ABCB5: variants seen among roughly 807,000 people sequenced by gnomAD.
ABCB5 encodes the protein ATP binding cassette subfamily B member 5, also known as ATP-binding cassette sub-family B member 5.
In ABCB5, 155 loss-of-function variants were observed where a neutral mutation model predicts 144.2. The observed-to-expected ratio is 1.08, with a 90% CI of 0.94 to 1.23. The LOEUF (loss-of-function observed/expected upper bound fraction) is 1.23, where lower values mean the gene tolerates loss of function less well. Ranked by LOEUF, ABCB5 falls within the 50% of genes most tolerant of loss-of-function variation. The pLI is 0.00. For missense variants in ABCB5, 1,830 were observed against 1,520.8 expected (o/e 1.20, Z -3.38); for synonymous variants, 610 against 528.6 (o/e 1.15, Z -2.11).
At chr7:20,647,250 T>G in intron 9 of ABCB5, 2 of 1,116,928 alleles carry the variant, frequency 1.8e-6, no homozygotes, top group South Asian at 6.7e-5. Context: ...TGGTCACACA[T>G]CCCAGCATGT....
chr7:20,655,944 G>A (rs1025053002), intron 13 of ABCB5, among the ~76,000 whole-genome samples: 2 of 152,202 alleles, frequency 1.3e-5, no homozygotes, highest in African/African-American at 4.8e-5. Context: ...AATGATGGTT[G>A]TATAGATCAG....
At chr7:20,728,171 A>T in intron 22 of ABCB5, 144 bp from the exon 23 acceptor site, 1 of 880,886 alleles carries the variant, frequency 1.1e-6, no homozygotes, top group South Asian at 2.1e-5. Flanking sequence ...AAAAAAAAAA[A>T]TCACTTTCTC....
chr7:20,649,918 T>C (rs963738263), intron 11 of ABCB5, 104 bp from the exon 12 acceptor site: 29 of 1,303,630 alleles, frequency 2.2e-5, no homozygotes, highest in Non-Finnish European at 3.0e-5. Flanking sequence ...AATTTGTTTT[T>C]AGAAGAATTT....
At chr7:20,710,140 C>A (rs1020013294) in intron 20 of ABCB5, among the ~76,000 whole-genome samples, 2 of 147,884 alleles carry the variant, frequency 1.4e-5, no homozygotes, top group African/African-American at 2.5e-5. Flanking sequence ...TTTGGGAGAC[C>A]GAGGCGGGTG....
At chr7:20,625,927 A>G (rs966308793) in intron 2 of ABCB5, among the ~76,000 whole-genome samples, 3 of 152,262 alleles carry the variant, frequency 2.0e-5, no homozygotes, top group African/African-American at 7.2e-5. Flanking sequence ...GCAAAAACAT[A>G]TAATGGAATA....
At chr7:20,625,325 T>G (rs777640260) in intron 2 of ABCB5, among the ~76,000 whole-genome samples, 1 of 152,190 alleles carries the variant, frequency 6.6e-6, no homozygotes, top group Non-Finnish European at 1.5e-5. Context: ...TGTGTCTGTA[T>G]AGAAAACTTA....
rs191480685 is a variant in ABCB5 at position 20,750,015 on chromosome 7, A to C, written c.3430-3345A>C. Among the ~76,000 whole-genome samples, 662 of 152,324 alleles carry C rather than the reference A, an allele frequency of 4.3e-3. 2 individuals are homozygous for C. Among genetic ancestry groups the C allele is most frequent in the Non-Finnish European group, 7.7e-3 (525 of 68,032 alleles). Reference sequence around the variant, plus strand: ...AAAAGCTGGCACTTAAATCACAAGGAAAGAAATGTTTAAGTTTGGTAGTTA... The same window carrying C: ...AAAAGCTGGCACTTAAATCACAAGGCAAGAAATGTTTAAGTTTGGTAGTTA... On this transcript the variant is annotated intron_variant, in intron 26 of 27. Coordinates refer to ENST00000404938, the MANE Select transcript of ABCB5 (RefSeq NM_001163941.2).
At chr7:20,717,859 A>G (rs1010451735) in intron 20 of ABCB5, among the ~76,000 whole-genome samples, 1 of 139,622 alleles carries the variant, frequency 7.2e-6, no homozygotes, top group African/African-American at 2.7e-5. Flanking sequence ...TTATCTCCAA[A>G]TACGGTAACA....
rs773996460 is a variant in ABCB5 at position 20,651,467 on chromosome 7, T to C, written c.1380T>C (p.Tyr460=). Residue 460 remains tyrosine, a synonymous_variant, in exon 13 of 28, where the codon TAT becomes TAC. Coordinates refer to ENST00000404938, the MANE Select transcript of ABCB5 (RefSeq NM_001163941.2). The part of the protein sequence containing the change: ...NDIRALNVRH[Y]RDHIGVVSQE... ...TCAGAGCTTTAAATGTGCGGCATTA[T>C]CGAGACCATATTGGAGTGGTTAGTC... 5 of 1,614,076 alleles carry C rather than the reference T, an allele frequency of 3.1e-6. No homozygotes were observed. Among genetic ancestry groups the C allele is most frequent in the African/African-American group, 1.3e-5 (1 of 75,032 alleles).
Position 20,634,956 on chromosome 7 carries a change from C to A in ABCB5, c.314+2843C>A, listed in dbSNP as rs533321834. 7.2e-5 allele frequency among the ~76,000 whole-genome samples: 11 copies of A among 152,110 alleles called. No individual in the cohort carries two copies. The South Asian group carries it at 1.7e-3, about 23-fold the overall frequency. ...GTTTTGTTGCATTTGTTTTTGAAGT[C>A]TTAGTCATGAATACTTTGTCAAGGC... is the stretch of plus-strand genomic sequence containing the variant. On this transcript the variant is annotated intron_variant, in intron 5 of 27. Coordinates refer to ENST00000404938, the MANE Select transcript of ABCB5 (RefSeq NM_001163941.2).
chr7:20,647,131 T>C (rs2128024129), intron 9 of ABCB5, among the ~76,000 whole-genome samples: 1 of 152,250 alleles, frequency 6.6e-6, no homozygotes, highest in Non-Finnish European at 1.5e-5. Flanking sequence ...GCCAATAAAA[T>C]CTACTGAATT....
At chr7:20,751,257 T>TA (rs11387863) in intron 26 of ABCB5, among the ~76,000 whole-genome samples, 55,421 of 151,838 alleles carry the variant, frequency 0.37, 10,426 homozygotes, top group African/African-American at 0.44. Flanking sequence ...GGTTCTTTGT[T>TA]AAAAAACAAA....
chr7:20,636,460 CTTTTT>C (rs956844943), intron 5 of ABCB5, among the ~76,000 whole-genome samples: 2 of 151,898 alleles, frequency 1.3e-5, no homozygotes, highest in Non-Finnish European at 2.9e-5. Context: ...ACCATTATTT[CTTTTT>C]TTAAGACTCA....
In ABCB5 at chr7:20,755,746, A is replaced by G. The variant is rs529226655; in HGVS notation, c.*122A>G. 1 of 934,270 alleles carries G rather than the reference A, an allele frequency of 1.1e-6. No individual in the cohort carries two copies. Among genetic ancestry groups the G allele is most frequent in the Admixed American group, 2.3e-5 (1 of 42,934 alleles). 57.9% of individuals were successfully genotyped at this position (934,270 alleles called of 1,614,324 possible). A position where few individuals can be genotyped will look rare whatever the true frequency, so the allele number is the denominator to read the frequency against. On this transcript the variant is annotated 3_prime_UTR_variant, in exon 28 of 28. Coordinates refer to ENST00000404938, the MANE Select transcript of ABCB5 (RefSeq NM_001163941.2). Reference sequence around the variant, plus strand: ...TCAATACCTAGAATCATGCTACTCAAGTACATACATGTTCTATTCACACAC... The same window carrying G: ...TCAATACCTAGAATCATGCTACTCAGGTACATACATGTTCTATTCACACAC...
intron 14 of ABCB5, among the ~76,000 whole-genome samples, chr7:20,662,924 T>A (rs1427823462): frequency 6.6e-6 from 1 of 152,176 alleles, no homozygotes; most frequent in South Asian, 2.1e-4. Context: ...CCCGAAGCCA[T>A]TTGTGGGTCC....
intron 4 of ABCB5, among the ~76,000 whole-genome samples, chr7:20,629,240 G>C (rs1443469653): frequency 6.6e-6 from 1 of 151,344 alleles, no homozygotes; most frequent in African/African-American, 2.4e-5. Flanking sequence ...AGGCTGGTGA[G>C]TTCAAGAGGG....
At chr7:20,664,609 A>G (rs1445146303) in intron 14 of ABCB5, among the ~76,000 whole-genome samples, 1 of 152,212 alleles carries the variant, frequency 6.6e-6, no homozygotes, top group African/African-American at 2.4e-5. Flanking sequence ...CAAATAAGTG[A>G]TCTCAATGTA....
chr7:20,746,653 C>A (rs1296119235), intron 26 of ABCB5, among the ~76,000 whole-genome samples: 1 of 152,024 alleles, frequency 6.6e-6, no homozygotes. Context: ...TCAGAAAAGT[C>A]AAAAATCTTG....
intron 24 of ABCB5, among the ~76,000 whole-genome samples, chr7:20,739,526 G>A (rs1248930832): frequency 2.6e-5 from 4 of 151,928 alleles, no homozygotes; most frequent in Non-Finnish European, 4.4e-5. Context: ...ACGGGGAAAA[G>A]GGGTCTTGTC....
Sources: gnomAD v4.1 joint callset for allele counts (sites outside exome capture counted in the v4.1 genomes callset) on GRCh38, gnomAD v4.1.1 for gene constraint, MANE v1.5 for transcripts, NCBI Gene and HGNC (gene_info 2026-07-23, HGNC 2026-07-21) for gene names.